MTCL1: variants seen among roughly 807,000 people sequenced by gnomAD.
MTCL1 encodes microtubule crosslinking factor 1.
A neutral mutation model predicts 141.4 loss-of-function variants in MTCL1; 79 were observed. The observed-to-expected ratio is 0.56, with a 90% CI of 0.47 to 0.67. The LOEUF (loss-of-function observed/expected upper bound fraction) is 0.67. Among genes scored for constraint, MTCL1 ranks in the 30% least tolerant of loss-of-function variants. The pLI is 0.00. For missense variants in MTCL1, 2,177 were observed against 2,113.9 expected, an observed-to-expected ratio of 1.03 and a Z score of -0.59; for synonymous variants, 914 against 875.8, an observed-to-expected ratio of 1.04 and a Z score of -0.77.
At chr18:8,816,767 G>C (rs780332429) in intron 12 of MTCL1, among the ~76,000 whole-genome samples, 1 of 152,136 alleles carries the variant, frequency 6.6e-6, no homozygotes, top group South Asian at 2.1e-4. Context: ...TGACACTCTC[G>C]AGGGTTTATT....
chr18:8,718,297 G>A, intron 2 of MTCL1, 127 bp from the exon 2 acceptor site: 1 of 888,914 alleles, frequency 1.1e-6, no homozygotes, highest in South Asian at 1.7e-5. Context: ...CCCAGGCGTG[G>A]CCATGAGGTG....
intron 12 of MTCL1, 65 bp from the exon 12 acceptor site, chr18:8,818,898 T>C: frequency 6.7e-7 from 1 of 1,484,016 alleles, no homozygotes; most frequent in Non-Finnish European, 9.1e-7. Flanking sequence ...GGAGAAACGA[T>C]GTTCTTAGGG....
At chr18:8,795,553 T>C (rs1255785900) in intron 8 of MTCL1, among the ~76,000 whole-genome samples, 1 of 152,240 alleles carries the variant, frequency 6.6e-6, no homozygotes, top group Non-Finnish European at 1.5e-5. Context: ...AGGAATTTAA[T>C]GTGGAGATGC....
At chr18:8,755,533 T>G (rs2148972404) in intron 4 of MTCL1, among the ~76,000 whole-genome samples, 1 of 152,100 alleles carries the variant, frequency 6.6e-6, no homozygotes, top group South Asian at 2.1e-4. Flanking sequence ...TTCTCCTCAC[T>G]CTCCCTGGGA....
intron 14 of MTCL1, among the ~76,000 whole-genome samples, chr18:8,821,934 T>A (rs750794656): frequency 6.6e-6 from 1 of 152,226 alleles, no homozygotes; most frequent in Non-Finnish European, 1.5e-5. Context: ...GAAGAAGATA[T>A]ATAGTGGTTG....
intron 4 of MTCL1, among the ~76,000 whole-genome samples, chr18:8,734,628 G>A (rs969751365): frequency 9.8e-5 from 15 of 152,286 alleles, no homozygotes; most frequent in East Asian, 5.8e-4. Flanking sequence ...ATTAGAGGGC[G>A]GCAGTGCCAG....
intron 4 of MTCL1, among the ~76,000 whole-genome samples, chr18:8,764,871 T>C (rs889371426): frequency 6.6e-6 from 1 of 152,216 alleles, no homozygotes; most frequent in Non-Finnish European, 1.5e-5. Flanking sequence ...GGCATTGTCA[T>C]GGAGGCTTTT....
chr18:8,708,372 G>A (rs1026113113), intron 1 of MTCL1, among the ~76,000 whole-genome samples: 1 of 152,278 alleles, frequency 6.6e-6, no homozygotes, highest in South Asian at 2.1e-4. Context: ...TTTTCCCAAT[G>A]AATGAAATGT....
intron 7 of MTCL1, among the ~76,000 whole-genome samples, chr18:8,788,095 G>C (rs1598666416): frequency 6.6e-6 from 1 of 152,256 alleles, no homozygotes; most frequent in East Asian, 1.9e-4. Context: ...GGCTCTAATG[G>C]AAACAGTACA....
intron 14 of MTCL1, among the ~76,000 whole-genome samples, chr18:8,823,310 A>C (rs2076908905): frequency 6.6e-6 from 1 of 152,156 alleles, no homozygotes; most frequent in South Asian, 2.1e-4. Context: ...AGAGGCACTG[A>C]GTTCCCACCC....
At chr18:8,809,614 G>A (rs1180415747) in intron 11 of MTCL1, 4 of 1,529,676 alleles carry the variant, frequency 2.6e-6, no homozygotes, top group Middle Eastern at 1.7e-4. Context: ...GGAGTGGAGG[G>A]CACACACCTG....
At chr18:8,725,479 A>C (rs1232413383) in intron 4 of MTCL1, among the ~76,000 whole-genome samples, 2 of 152,194 alleles carry the variant, frequency 1.3e-5, no homozygotes, top group Non-Finnish European at 1.5e-5. Flanking sequence ...CTCAATATAC[A>C]ACTATACAAA....
chr18:8,789,328 A>G (rs2075636510), intron 7 of MTCL1: 4 of 888,184 alleles, frequency 4.5e-6, no homozygotes, highest in Non-Finnish European at 2.7e-6. Flanking sequence ...TGGCCAGGAC[A>G]AAATGGAACC....
chr18:8,713,972 A>G (rs2096110651), upstream of MTCL1, among the ~76,000 whole-genome samples: 1 of 152,222 alleles, frequency 6.6e-6, no homozygotes, highest in Admixed American at 6.5e-5. Context: ...GGGCACGGAT[A>G]TCTTTACCGC....
chr18:8,706,978 C>T, intron 1 of MTCL1: 1 of 497,914 alleles, frequency 2.0e-6, no homozygotes, highest in East Asian at 4.0e-5. Flanking sequence ...GATACTTTTA[C>T]TTTTGTTGAC....
At chr18:8,816,340 C>G (rs1279021645) in intron 12 of MTCL1, among the ~76,000 whole-genome samples, 1 of 152,226 alleles carries the variant, frequency 6.6e-6, no homozygotes, top group Non-Finnish European at 1.5e-5. Context: ...ATCCATTTTC[C>G]ACTTTCAGAA....
intron 5 of MTCL1, among the ~76,000 whole-genome samples, chr18:8,781,825 T>TA (rs2096533568): frequency 6.6e-6 from 1 of 152,192 alleles, no homozygotes; most frequent in South Asian, 2.1e-4. Flanking sequence ...GCAGCATGTT[T>TA]GACCCCAAGT....
intron 4 of MTCL1, among the ~76,000 whole-genome samples, chr18:8,737,707 A>G (rs1317312382): frequency 6.6e-6 from 1 of 152,210 alleles, no homozygotes; most frequent in Non-Finnish European, 1.5e-5. Context: ...TTCGAGTCCC[A>G]TGACATACCC....
chr18:8,818,860 A>C lies in MTCL1; in HGVS notation c.2860-103A>C. On this transcript the variant is annotated intron_variant, in intron 12 of 16. Coordinates refer to ENST00000359865, the Ensembl canonical transcript of MTCL1. Reference sequence around the variant, plus strand: ...CATTTGCTTCTCACAATATTTTTCAAACTGACCTATGTGTAATTGCAAATT... The same window carrying C: ...CATTTGCTTCTCACAATATTTTTCACACTGACCTATGTGTAATTGCAAATT... 3 of 1,166,202 alleles carry C rather than the reference A, an allele frequency of 2.6e-6. No individual in the cohort carries two copies. In the South Asian group the frequency reaches 4.5e-5, roughly 18 times the overall value. 72.2% of individuals were successfully genotyped at this position (1,166,202 alleles called of 1,614,324 possible). A position where few individuals can be genotyped will look rare whatever the true frequency, so the allele number is the denominator to read the frequency against.
Sources: gnomAD v4.1 joint callset for allele counts (sites outside exome capture counted in the v4.1 genomes callset) on GRCh38, gnomAD v4.1.1 for gene constraint, MANE v1.5 for transcripts, NCBI Gene and HGNC (gene_info 2026-07-23, HGNC 2026-07-21) for gene names.